DMD: variants seen among roughly 807,000 people sequenced by gnomAD.
DMD encodes mutant dystrophin.
Under a neutral mutation model 330.1 loss-of-function variants are expected in DMD, and 63 were observed. The ratio of observed to expected loss-of-function variants is 0.19; its 90% confidence interval spans 0.16 to 0.24. The LOEUF is 0.24. Ranked by LOEUF, DMD falls within the 10% of genes least tolerant of loss-of-function variation. The pLI, the probability that DMD is intolerant of heterozygous loss-of-function variation, is 1.00. For synonymous variants in DMD, 1,223 were observed against 959.8 expected (o/e 1.27, Z -5.07); for missense variants, 3,344 against 2,684.1 (o/e 1.25, Z -5.43).
intron 1 of DMD, among the ~76,000 whole-genome samples, chrX:33,176,467 AAAAAT>A (rs1847078874): frequency 9.0e-6 from 1 of 111,135 alleles, no homozygotes; most frequent in East Asian, 2.8e-4. Context: ...TTGTCAACTA[AAAAAT>A]AAAATGAAAT....
At chrX:32,958,035 T>G (rs1331116351) in intron 2 of DMD, among the ~76,000 whole-genome samples, 1 of 112,078 alleles carries the variant, frequency 8.9e-6, no homozygotes, top group African/African-American at 3.2e-5. Flanking sequence ...ACTGTTATTT[T>G]GGAACCATTA....
intron 62 of DMD, among the ~76,000 whole-genome samples, chrX:31,295,645 C>T (rs940181784): frequency 1.7e-4 from 19 of 111,777 alleles, no homozygotes; most frequent in African/African-American, 6.2e-4. Context: ...GAACTCCTGA[C>T]ATCAAGTGAT....
chrX:32,205,005 T>TCTCTCTCTCTCTCTCTCACA (rs60181300), intron 44 of DMD, among the ~76,000 whole-genome samples: 4 of 29,228 alleles, frequency 1.4e-4, no homozygotes, highest in African/African-American at 4.6e-4. Flanking sequence ...TCTCTCTCTC[T>TCTCTCTCTCTCTCTCTCACA]CACATACACA....
At chrX:32,892,576 G>A (rs1342632025) in intron 2 of DMD, among the ~76,000 whole-genome samples, 1 of 110,426 alleles carries the variant, frequency 9.1e-6, no homozygotes, top group East Asian at 2.8e-4. Context: ...TTTTGTATTT[G>A]TAGTAGAGAC....
chrX:31,197,630 A>T (rs6631263), intron 67 of DMD, among the ~76,000 whole-genome samples: 5 of 110,375 alleles, frequency 4.5e-5, no homozygotes, highest in South Asian at 3.9e-4. Flanking sequence ...GGCAGAAAAC[A>T]GATGTAAAAT....
intron 21 of DMD, among the ~76,000 whole-genome samples, chrX:32,473,054 T>C (rs926062066): frequency 1.8e-5 from 2 of 111,269 alleles, no homozygotes; most frequent in Non-Finnish European, 3.8e-5. Context: ...AAAGTATGTA[T>C]GTGTATATGT....
At position 31,195,776 on chromosome X, in the gene DMD, AAAAG is replaced by A. The variant is rs781701575; in HGVS notation, c.9807+8181_9807+8184del. 2.3e-3 allele frequency among the ~76,000 whole-genome samples: 244 copies of A among 104,753 alleles called. 2 individuals carry two copies. Among genetic ancestry groups the A allele is most frequent in the African/African-American group, 3.1e-3 (83 of 26,915 alleles). 91.0% of individuals were successfully genotyped at this position (104,753 alleles called of 115,157 possible). ...AGAGAGAGAGAACGAAAGAAAAGAG[AAAAG>A]AAAGAAAGAAAGGAAAGGAGAGGAG... On this transcript the variant is annotated intron_variant, in intron 67 of 78. Coordinates refer to ENST00000357033, the MANE Select transcript of DMD (RefSeq NM_004006.3).
At chrX:32,507,594 C>T (rs992193195) in intron 18 of DMD, among the ~76,000 whole-genome samples, 2 of 111,280 alleles carry the variant, frequency 1.8e-5, no homozygotes, top group Non-Finnish European at 3.8e-5. Context: ...TAACAACCAC[C>T]ACAACTACAA....
In DMD at chrX:33,113,700, G is replaced by A. The variant is rs759976558; in HGVS notation, c.32-93500C>T. Among the ~76,000 whole-genome samples the A allele has an allele frequency of 6.3e-5, 7 of 110,686 alleles. No individual in the cohort carries two copies. In the East Asian group the frequency reaches 2.0e-3, roughly 32 times the overall value. On this transcript the variant is annotated intron_variant, in intron 1 of 78. Transcript: ENST00000357033. ...AAGGAAGCAAAATATAAAAGATGAAGCATGATATTATTTTGGTTAATGAAT... is the reference window on the plus strand; with the variant it reads ...AAGGAAGCAAAATATAAAAGATGAAACATGATATTATTTTGGTTAATGAAT...
intron 44 of DMD, among the ~76,000 whole-genome samples, chrX:32,123,243 A>ATATATATATAT (rs1491535545): frequency 2.7e-3 from 222 of 82,771 alleles, no homozygotes; most frequent in Non-Finnish European, 3.5e-3. Context: ...ATATATATAT[A>ATATATATATAT]AATGATCAAA....
At chrX:32,318,301 AT>A (rs1421216772) in intron 41 of DMD, among the ~76,000 whole-genome samples, 1 of 111,612 alleles carries the variant, frequency 9.0e-6, no homozygotes, top group African/African-American at 3.2e-5. Flanking sequence ...AGGCAAAAAT[AT>A]TGTATTGGTC....
chrX:33,134,884 A>G (rs1328592638), intron 1 of DMD, among the ~76,000 whole-genome samples: 3 of 112,092 alleles, frequency 2.7e-5, no homozygotes. Context: ...TGGCATACCC[A>G]TATATTACGT....
chrX:31,212,902 T>C (rs1220241277), intron 64 of DMD, among the ~76,000 whole-genome samples: 1 of 112,246 alleles, frequency 8.9e-6, no homozygotes, highest in African/African-American at 3.2e-5. Context: ...AAAAGTTGGT[T>C]AGTGGAGAAA....
intron 6 of DMD, among the ~76,000 whole-genome samples, chrX:32,813,325 C>A (rs1010593259): frequency 1.8e-5 from 2 of 111,654 alleles, no homozygotes; most frequent in African/African-American, 6.5e-5. Flanking sequence ...TTAACCTGGA[C>A]CATAATTTAT....
intron 2 of DMD, among the ~76,000 whole-genome samples, chrX:32,885,833 A>AGG: frequency 2.8e-5 from 3 of 105,801 alleles, no homozygotes; most frequent in African/African-American, 1.1e-4. Flanking sequence ...GGGGGAAAAA[A>AGG]AAAAAAAAAA....
chrX:32,789,040 C>T (rs773150954), intron 7 of DMD, among the ~76,000 whole-genome samples: 1 of 111,681 alleles, frequency 9.0e-6, no homozygotes, highest in African/African-American at 3.3e-5. Flanking sequence ...CTCCTCTCAC[C>T]TGGGCAACCC....
intron 2 of DMD, among the ~76,000 whole-genome samples, chrX:32,988,668 A>G (rs1262371586): frequency 8.9e-6 from 1 of 112,325 alleles, no homozygotes; most frequent in Non-Finnish European, 1.9e-5. Context: ...GACTCAAGTT[A>G]TACGGATATG....
At chrX:32,531,748 G>C (rs755780126) in intron 17 of DMD, among the ~76,000 whole-genome samples, 36 of 109,255 alleles carry the variant, frequency 3.3e-4, no homozygotes, top group African/African-American at 1.1e-3. Flanking sequence ...AAATAAACGA[G>C]AAACCCATCT....
At chrX:32,275,835 A>G (rs149199518) in intron 43 of DMD, among the ~76,000 whole-genome samples, 2,404 of 111,413 alleles carry the variant, frequency 0.022, 62 homozygotes, top group African/African-American at 0.074. Context: ...CTATATAACT[A>G]ATCTCCCTCA....
Sources: gnomAD v4.1 joint callset for allele counts (sites outside exome capture counted in the v4.1 genomes callset) on GRCh38, gnomAD v4.1.1 for gene constraint, MANE v1.5 for transcripts, NCBI Gene and HGNC (gene_info 2026-07-23, HGNC 2026-07-21) for gene names.